Variants in KCNQ3 observed in about 807,000 individuals in gnomAD.
KCNQ3 encodes potassium voltage-gated channel subfamily Q member 3, also known as potassium voltage-gated channel subfamily KQT member 3.
Under a neutral mutation model 92.5 loss-of-function variants are expected in KCNQ3, and 30 were observed. The ratio of observed to expected loss-of-function variants is 0.32; its 90% CI spans 0.24 to 0.44. The LOEUF (loss-of-function observed/expected upper bound fraction) is 0.44. Among genes scored for constraint, KCNQ3 ranks in the 20% least tolerant of loss-of-function variants. The pLI is 1.00. For missense variants in KCNQ3, 913 were observed against 1,140.3 expected (o/e 0.80, Z 2.87); for synonymous variants, 450 against 468.8 (o/e 0.96, Z 0.52).
At chr8:132,423,730 C>T (rs1310434333) in intron 1 of KCNQ3, among the ~76,000 whole-genome samples, 1 of 152,142 alleles carries the variant, frequency 6.6e-6, no homozygotes, top group African/African-American at 2.4e-5. Context: ...GTGGCAGAAC[C>T]AGTGCAGTCC....
At chr8:132,398,078 C>T (rs1305495175) in intron 1 of KCNQ3, among the ~76,000 whole-genome samples, 1 of 152,196 alleles carries the variant, frequency 6.6e-6, no homozygotes, top group African/African-American at 2.4e-5. Flanking sequence ...AGAATTACAA[C>T]TCCAGAGAAA....
In KCNQ3 at chr8:132,288,372, C is replaced by T. The variant is rs145381453; in HGVS notation, c.387-102191G>A. Among the ~76,000 whole-genome samples, 31 of 152,278 alleles carry T rather than the reference C, an allele frequency of 2.0e-4. No homozygotes were observed. The East Asian group carries it at 5.8e-3, about 28-fold the overall frequency. On this transcript the variant is annotated intron_variant, in intron 1 of 14. Coordinates refer to ENST00000388996, the MANE Select transcript of KCNQ3 (RefSeq NM_004519.4). ...CACTATGAGGCATCTCATAATTTTG[C>T]CTTTGATCTTGTAAAAGTCATTTCT...
At chr8:132,152,836 C>T (rs1207003802) in intron 9 of KCNQ3, among the ~76,000 whole-genome samples, 4 of 151,968 alleles carry the variant, frequency 2.6e-5, no homozygotes, top group Admixed American at 6.6e-5. Context: ...ATCTGAGATT[C>T]CTTGTGGGAC....
At chr8:132,304,603 T>C (rs1231497619) in intron 1 of KCNQ3, among the ~76,000 whole-genome samples, 1 of 152,184 alleles carries the variant, frequency 6.6e-6, no homozygotes, top group Non-Finnish European at 1.5e-5. Context: ...GTCCAATTCC[T>C]TATTCACAAT....
chr8:132,197,909 A>C (rs1172565922), intron 1 of KCNQ3, among the ~76,000 whole-genome samples: 1 of 152,186 alleles, frequency 6.6e-6, no homozygotes, highest in African/African-American at 2.4e-5. Flanking sequence ...AAAAAGGAAA[A>C]GATTAAATAT....
At chr8:132,206,234 C>T (rs1813653130) in intron 1 of KCNQ3, among the ~76,000 whole-genome samples, 1 of 152,118 alleles carries the variant, frequency 6.6e-6, no homozygotes, top group African/African-American at 2.4e-5. Context: ...CCTGGGTTTC[C>T]ACAGCCTCCC....
At chr8:132,265,251 G>C (rs1815943648) in intron 1 of KCNQ3, among the ~76,000 whole-genome samples, 1 of 152,194 alleles carries the variant, frequency 6.6e-6, no homozygotes, top group East Asian at 1.9e-4. Context: ...TATTCTCTTT[G>C]CCTAGATGAA....
At chr8:132,422,797 G>C (rs971437937) in intron 1 of KCNQ3, among the ~76,000 whole-genome samples, 4 of 152,196 alleles carry the variant, frequency 2.6e-5, no homozygotes, top group African/African-American at 9.7e-5. Context: ...CTGCCTGAGA[G>C]AGGAAATGAT....
At chr8:132,345,142 C>T (rs1439520023) in intron 1 of KCNQ3, among the ~76,000 whole-genome samples, 1 of 152,062 alleles carries the variant, frequency 6.6e-6, no homozygotes, top group African/African-American at 2.4e-5. Context: ...ATTTATGACT[C>T]TGATGAAATT....
At chr8:132,260,943 A>G (rs896745594) in intron 1 of KCNQ3, among the ~76,000 whole-genome samples, 2 of 152,198 alleles carry the variant, frequency 1.3e-5, no homozygotes, top group Admixed American at 6.5e-5. Context: ...TTGAGATATA[A>G]TTCATATAAA....
intron 1 of KCNQ3, among the ~76,000 whole-genome samples, chr8:132,443,719 A>G (rs1821598684): frequency 6.6e-6 from 1 of 152,004 alleles, no homozygotes; most frequent in Non-Finnish European, 1.5e-5. Flanking sequence ...CATTTTCTTA[A>G]TTTTGCAGCC....
chr8:132,361,067 A>G (rs148172844), intron 1 of KCNQ3, among the ~76,000 whole-genome samples: 2 of 152,310 alleles, frequency 1.3e-5, no homozygotes, highest in African/African-American at 2.4e-5. Flanking sequence ...CTAATAACCA[A>G]TGCAAGCTTC....
intron 1 of KCNQ3, among the ~76,000 whole-genome samples, chr8:132,333,083 G>A (rs963238818): frequency 6.6e-6 from 1 of 152,090 alleles, no homozygotes; most frequent in African/African-American, 2.4e-5. Flanking sequence ...GGAAGAGAGG[G>A]GCATCCTCCT....
intron 8 of KCNQ3, among the ~76,000 whole-genome samples, chr8:132,169,064 G>T (rs1407865112): frequency 6.6e-6 from 1 of 152,110 alleles, no homozygotes; most frequent in Non-Finnish European, 1.5e-5. Context: ...AAGACCATGG[G>T]CTTTGAAAGC....
intron 1 of KCNQ3, among the ~76,000 whole-genome samples, chr8:132,333,556 G>T (rs1818287591): frequency 6.6e-6 from 1 of 152,052 alleles, no homozygotes; most frequent in Admixed American, 6.5e-5. Flanking sequence ...ATTACTTAAA[G>T]TCCCATCACT....
intron 1 of KCNQ3, among the ~76,000 whole-genome samples, chr8:132,189,790 C>A (rs1400535398): frequency 6.7e-6 from 1 of 149,408 alleles, no homozygotes; most frequent in Non-Finnish European, 1.5e-5. Context: ...CATGCCACTG[C>A]ACTCCAACCT....
intron 12 of KCNQ3, among the ~76,000 whole-genome samples, chr8:132,135,472 C>A (rs1218924532): frequency 1.3e-5 from 2 of 152,072 alleles, no homozygotes; most frequent in Admixed American, 1.3e-4. Flanking sequence ...GCTGCTCCTC[C>A]ACTGACGGCA....
At chr8:132,241,372 T>C (rs890019048) in intron 1 of KCNQ3, among the ~76,000 whole-genome samples, 1 of 151,960 alleles carries the variant, frequency 6.6e-6, no homozygotes, top group African/African-American at 2.4e-5. Flanking sequence ...ATGGAATTAT[T>C]TGAAATAATT....
chr8:132,284,951 A>G (rs921239021), intron 1 of KCNQ3, among the ~76,000 whole-genome samples: 1 of 152,162 alleles, frequency 6.6e-6, no homozygotes, highest in Non-Finnish European at 1.5e-5. Context: ...CTGCCTTGCT[A>G]TTAAGTAGCA....
Sources: gnomAD v4.1 joint callset for allele counts (sites outside exome capture counted in the v4.1 genomes callset) on GRCh38, gnomAD v4.1.1 for gene constraint, MANE v1.5 for transcripts, NCBI Gene and HGNC (gene_info 2026-07-23, HGNC 2026-07-21) for gene names.